The following TRAPPC9 variants were observed in gnomAD, a reference collection of about 807,000 sequenced individuals.
TRAPPC9 encodes trafficking protein particle complex subunit 9, also known as IKK2 binding protein.
In TRAPPC9, 83 loss-of-function variants were observed where a neutral mutation model predicts 124.0. The ratio of observed to expected loss-of-function variants is 0.67; its 90% confidence interval spans 0.56 to 0.80. The LOEUF (loss-of-function observed/expected upper bound fraction) is 0.80. Among genes scored for constraint, TRAPPC9 ranks in the 30% least tolerant of loss-of-function variants. TRAPPC9 has a pLI of 0.00. For synonymous variants in TRAPPC9, 638 were observed against 617.5 expected (o/e 1.03, Z -0.49); for missense variants, 1,302 against 1,508.3 (o/e 0.86, Z 2.27).
At position 140,179,993 on chromosome 8, in the gene TRAPPC9, A is replaced by ATTTTTTTTTTTTTTTTTT. The variant is rs71520259; in HGVS notation, c.2556+41448_2556+41465dup. 5.9e-4 allele frequency among the ~76,000 whole-genome samples: 53 copies of ATTTTTTTTTTTTTTTTTT among 90,030 alleles called. 4 individuals carry two copies. Among genetic ancestry groups the ATTTTTTTTTTTTTTTTTT allele is most frequent in the East Asian group, 2.4e-3 (5 of 2,078 alleles). 59.1% of individuals were successfully genotyped at this position (90,030 alleles called of 152,430 possible). ...ATAAACAATTTATAGTTATATCTTG[A>ATTTTTTTTTTTTTTTTTT]TTTTTTTTTTTTTTTTTTTTTGGCC... On this transcript the variant is annotated intron_variant, in intron 17 of 22. Coordinates refer to ENST00000438773, the MANE Select transcript of TRAPPC9 (RefSeq NM_001160372.4).
intron 2 of TRAPPC9, among the ~76,000 whole-genome samples, chr8:140,443,986 A>G (rs2071142485): frequency 6.7e-6 from 1 of 148,846 alleles, no homozygotes; most frequent in Non-Finnish European, 1.5e-5. Context: ...CAGTGAGCCA[A>G]GATCACGCCA....
chr8:139,761,026 T>C (rs555221977), intron 21 of TRAPPC9, among the ~76,000 whole-genome samples: 5 of 152,358 alleles, frequency 3.3e-5, no homozygotes, highest in Non-Finnish European at 5.9e-5. Flanking sequence ...GCTTAGCCTC[T>C]TGCAATCCAC....
chr8:140,423,754 A>C (rs367585864), intron 5 of TRAPPC9, among the ~76,000 whole-genome samples: 1 of 143,524 alleles, frequency 7.0e-6, no homozygotes, highest in Non-Finnish European at 1.5e-5. Context: ...ATATATATAC[A>C]TATATATATA....
intron 19 of TRAPPC9, among the ~76,000 whole-genome samples, chr8:139,953,949 T>C (rs1210207704): frequency 2.0e-5 from 3 of 152,222 alleles, no homozygotes; most frequent in Admixed American, 6.5e-5. Flanking sequence ...CTGCAGACGA[T>C]GTAGAGAACC....
At chr8:140,263,527 TAA>T (rs942509806) in intron 15 of TRAPPC9, among the ~76,000 whole-genome samples, 26 of 152,210 alleles carry the variant, frequency 1.7e-4, no homozygotes, top group Non-Finnish European at 5.9e-5. Context: ...GACATTTTTA[TAA>T]GGTGACAATG....
rs139669670 is a variant in TRAPPC9 at position 139,737,490 on chromosome 8, T to A, written c.3056-5288A>T. On this transcript the variant is annotated intron_variant, in intron 21 of 22. Coordinates refer to ENST00000438773, the MANE Select transcript of TRAPPC9 (RefSeq NM_001160372.4). ...CTCCCCCCCCCCCCACGGAAAACCC[T>A]GAGTCTGGTGTCTGGGTGTGTAGGG... 9.3e-3 allele frequency among the ~76,000 whole-genome samples: 654 copies of A among 70,104 alleles called. 12 individuals are homozygous for A. Among genetic ancestry groups the A allele is most frequent in the African/African-American group, 0.034 (628 of 18,408 alleles). 46.0% of individuals were successfully genotyped at this position (70,104 alleles called of 152,430 possible).
chr8:140,272,004 TGGTGGTGACG>T (rs2064903750), intron 15 of TRAPPC9, among the ~76,000 whole-genome samples: 4 of 124,258 alleles, frequency 3.2e-5, no homozygotes, highest in African/African-American at 1.4e-4. Context: ...GTGGTAGTGA[TGGTGGTGACG>T]GGTGATGGTG....
At chr8:140,278,925 T>G (rs2065217303) in intron 14 of TRAPPC9, among the ~76,000 whole-genome samples, 1 of 152,258 alleles carries the variant, frequency 6.6e-6, no homozygotes, top group African/African-American at 2.4e-5. Flanking sequence ...GTGACCTGCC[T>G]TCTGTCTCTG....
At chr8:139,822,220 A>G (rs1465561816) in intron 21 of TRAPPC9, among the ~76,000 whole-genome samples, 1 of 152,082 alleles carries the variant, frequency 6.6e-6, no homozygotes, top group Non-Finnish European at 1.5e-5. Flanking sequence ...CTGTATTAGC[A>G]TCTACTCCAG....
chr8:140,084,277 A>C (rs550234505), intron 17 of TRAPPC9, among the ~76,000 whole-genome samples: 1 of 152,198 alleles, frequency 6.6e-6, no homozygotes. Context: ...ATGAAAATAA[A>C]TCTCTATAAA....
chr8:139,819,315 A>C (rs1210771735), intron 21 of TRAPPC9, among the ~76,000 whole-genome samples: 5 of 152,192 alleles, frequency 3.3e-5, no homozygotes, highest in Admixed American at 3.3e-4. Context: ...CATTATGGTG[A>C]GTTATATAAT....
chr8:140,392,091 G>A (rs2068943463), intron 7 of TRAPPC9, among the ~76,000 whole-genome samples: 1 of 151,956 alleles, frequency 6.6e-6, no homozygotes, highest in African/African-American at 2.4e-5. Context: ...GAAACTACCT[G>A]ATGTGGTACA....
intron 18 of TRAPPC9, among the ~76,000 whole-genome samples, chr8:140,021,721 T>C (rs1187657897): frequency 6.6e-6 from 1 of 152,184 alleles, no homozygotes; most frequent in Admixed American, 6.5e-5. Flanking sequence ...TGAAACTATT[T>C]CCAATACACT....
chr8:139,901,792 C>G (rs1831037127), intron 20 of TRAPPC9, among the ~76,000 whole-genome samples: 1 of 152,192 alleles, frequency 6.6e-6, no homozygotes, highest in Admixed American at 6.5e-5. Flanking sequence ...TGCCCGTGCC[C>G]CCGGCTCTGC....
intron 17 of TRAPPC9, among the ~76,000 whole-genome samples, chr8:140,162,292 G>C (rs1369447706): frequency 6.6e-6 from 1 of 152,116 alleles, no homozygotes; most frequent in Non-Finnish European, 1.5e-5. Context: ...CTAGGCTCCG[G>C]CCCTACTGAA....
intron 3 of TRAPPC9, among the ~76,000 whole-genome samples, chr8:140,437,549 A>G (rs1253955193): frequency 6.6e-6 from 1 of 152,166 alleles, no homozygotes; most frequent in African/African-American, 2.4e-5. Context: ...GCTTGAACCC[A>G]GGAGGCGGAG....
At chr8:140,056,750 C>A (rs1374815672) in intron 17 of TRAPPC9, among the ~76,000 whole-genome samples, 2 of 152,164 alleles carry the variant, frequency 1.3e-5, no homozygotes, top group African/African-American at 4.8e-5. Flanking sequence ...GACTTGGTCT[C>A]TGCAATGATT....
intron 19 of TRAPPC9, among the ~76,000 whole-genome samples, chr8:139,948,978 C>T (rs1434677888): frequency 6.6e-6 from 1 of 151,972 alleles, no homozygotes; most frequent in Non-Finnish European, 1.5e-5. Flanking sequence ...GAGGCTGAGG[C>T]GGGAGAATCG....
At chr8:139,791,971 A>G (rs546668924) in intron 21 of TRAPPC9, among the ~76,000 whole-genome samples, 1 of 152,108 alleles carries the variant, frequency 6.6e-6, no homozygotes, top group Non-Finnish European at 1.5e-5. Flanking sequence ...CCCAGGAGCT[A>G]CTTGTCCATA....
Sources: gnomAD v4.1 joint callset for allele counts (sites outside exome capture counted in the v4.1 genomes callset) on GRCh38, gnomAD v4.1.1 for gene constraint, MANE v1.5 for transcripts, NCBI Gene and HGNC (gene_info 2026-07-23, HGNC 2026-07-21) for gene names.